The following DIP2C variants were observed in gnomAD, a reference collection of about 807,000 sequenced individuals.
The protein encoded by DIP2C is disco-interacting protein 2 homolog C.
DIP2C carries 33 observed loss-of-function variants against 192.4 expected under a neutral mutation model. The ratio of observed to expected loss-of-function variants is 0.17; its 90% confidence interval spans 0.13 to 0.23. The LOEUF is 0.23. Ranked by LOEUF, DIP2C falls within the 10% of genes least tolerant of loss-of-function variation. The pLI is 1.00. For synonymous variants in DIP2C, 979 were observed against 864.1 expected (o/e 1.13, Z -2.33); for missense variants, 1,537 against 2,110.1 (o/e 0.73, Z 5.32).
At chr10:374,996 T>C (rs765776083) in intron 17 of DIP2C, among the ~76,000 whole-genome samples, 13 of 152,340 alleles carry the variant, frequency 8.5e-5, no homozygotes, top group African/African-American at 2.6e-4. Flanking sequence ...ACCATCTCAG[T>C]GATCTCCAGG....
chr10:416,899 T>TG (rs1258344518), intron 6 of DIP2C, among the ~76,000 whole-genome samples: 1 of 152,214 alleles, frequency 6.6e-6, no homozygotes, highest in East Asian at 1.9e-4. Flanking sequence ...GCAGAGCCCT[T>TG]GTTCGCCCCC....
chr10:430,563 G>GAAA (rs1304348724), intron 4 of DIP2C: 4 of 152,128 alleles, frequency 2.6e-5, no homozygotes, highest in Non-Finnish European at 4.4e-5. Flanking sequence ...AGAGTTCCTT[G>GAAA]TATATTTCAA....
chr10:301,063 G>C (rs181765269), intron 32 of DIP2C, among the ~76,000 whole-genome samples: 229 of 152,302 alleles, frequency 1.5e-3, no homozygotes, highest in Non-Finnish European at 1.7e-3. Context: ...GGTAGGCTCA[G>C]CAGCATCCAC....
chr10:397,485 G>A (rs111488585), intron 10 of DIP2C, among the ~76,000 whole-genome samples: 2,341 of 151,114 alleles, frequency 0.015, 76 homozygotes, highest in African/African-American at 0.054. Flanking sequence ...AGCTGAAATC[G>A]TGCCACTGCA....
At chr10:576,465 G>A (rs1054060833) in intron 1 of DIP2C, among the ~76,000 whole-genome samples, 3 of 152,200 alleles carry the variant, frequency 2.0e-5, no homozygotes, top group Admixed American at 2.0e-4. Context: ...TGCCCATCCG[G>A]CATTCCTTCA....
chr10:399,703 T>A (rs1270365119), intron 9 of DIP2C, among the ~76,000 whole-genome samples: 2 of 152,328 alleles, frequency 1.3e-5, no homozygotes, highest in Admixed American at 6.5e-5. Flanking sequence ...ATAGAGCTGA[T>A]GTCTTAATGC....
intron 9 of DIP2C, among the ~76,000 whole-genome samples, chr10:404,869 A>G (rs2133051298): frequency 6.6e-6 from 1 of 152,362 alleles, no homozygotes; most frequent in East Asian, 1.9e-4. Context: ...CGAGGTTTAC[A>G]CTAGGCATGA....
chr10:585,009 C>T (rs1321538492), intron 1 of DIP2C, among the ~76,000 whole-genome samples: 4 of 150,294 alleles, frequency 2.7e-5, no homozygotes, highest in Non-Finnish European at 4.4e-5. Context: ...TCTCGGGGCC[C>T]GCAACCTGGC....
At chr10:683,299 G>C (rs776744934) in intron 1 of DIP2C, among the ~76,000 whole-genome samples, 12 of 152,220 alleles carry the variant, frequency 7.9e-5, no homozygotes, top group Non-Finnish European at 1.6e-4. Flanking sequence ...AGCCACCGCT[G>C]TCTTTCTACC....
At chr10:290,859 T>C (rs1350252479) in intron 32 of DIP2C, among the ~76,000 whole-genome samples, 1 of 152,202 alleles carries the variant, frequency 6.6e-6, no homozygotes, top group Non-Finnish European at 1.5e-5. Context: ...ATCTCTACTT[T>C]AGGACGTTTG....
chr10:656,550 C>T (rs922878305), intron 1 of DIP2C, among the ~76,000 whole-genome samples: 4 of 152,158 alleles, frequency 2.6e-5, no homozygotes, highest in South Asian at 2.1e-4. Context: ...TAATCAATGC[C>T]GTTTCCTATG....
intron 1 of DIP2C, among the ~76,000 whole-genome samples, chr10:544,407 GATT>G (rs967446384): frequency 3.3e-5 from 5 of 152,208 alleles, no homozygotes; most frequent in African/African-American, 9.6e-5. Context: ...TCTTGCATAA[GATT>G]TTTTTGTAAA....
At chr10:300,138 G>A (rs1955953640) in intron 32 of DIP2C, among the ~76,000 whole-genome samples, 1 of 152,154 alleles carries the variant, frequency 6.6e-6, no homozygotes, top group East Asian at 1.9e-4. Context: ...CTAATGTATG[G>A]TTCAGCAATT....
At chr10:297,241 T>TACACACACACACAC (rs140637166) in intron 32 of DIP2C, among the ~76,000 whole-genome samples, 41 of 115,624 alleles carry the variant, frequency 3.5e-4, no homozygotes, top group African/African-American at 1.1e-3. Flanking sequence ...CCCCACCACA[T>TACACACACACACAC]ACACACACAC....
intron 1 of DIP2C, among the ~76,000 whole-genome samples, chr10:680,639 CA>C (rs1232797392): frequency 1.3e-5 from 2 of 150,894 alleles, no homozygotes; most frequent in Admixed American, 1.3e-4. Context: ...GAAAGACCAT[CA>C]GGGGAGATCC....
chr10:645,511 T>C (rs981833716), intron 1 of DIP2C, among the ~76,000 whole-genome samples: 4 of 152,178 alleles, frequency 2.6e-5, no homozygotes, highest in African/African-American at 7.2e-5. Flanking sequence ...ATCTGTTAAA[T>C]TGTATATATT....
intron 3 of DIP2C, among the ~76,000 whole-genome samples, chr10:464,468 T>C (rs1210199093): frequency 6.6e-6 from 1 of 151,410 alleles, no homozygotes; most frequent in Non-Finnish European, 1.5e-5. Context: ...CCAGTTAGAA[T>C]GGTTATCATT....
chr10:417,969 A>G (rs1418061629), intron 6 of DIP2C, among the ~76,000 whole-genome samples: 2 of 105,536 alleles, frequency 1.9e-5, no homozygotes, highest in Non-Finnish European at 1.9e-5. Context: ...TGCACCTGTC[A>G]GGGCTCGGAT....
At chr10:308,192 C>G (rs1396668552) in intron 32 of DIP2C, among the ~76,000 whole-genome samples, 5 of 152,226 alleles carry the variant, frequency 3.3e-5, no homozygotes, top group African/African-American at 7.2e-5. Flanking sequence ...AGGTCTGAGT[C>G]TCATGAAGAT....
Sources: gnomAD v4.1 joint callset for allele counts (sites outside exome capture counted in the v4.1 genomes callset) on GRCh38, gnomAD v4.1.1 for gene constraint, MANE v1.5 for transcripts, NCBI Gene and HGNC (gene_info 2026-07-23, HGNC 2026-07-21) for gene names.